ZC3H12B: variants seen among roughly 807,000 people sequenced by gnomAD.
ZC3H12B encodes probable ribonuclease ZC3H12B.
In ZC3H12B, 7 loss-of-function variants were observed where a neutral mutation model predicts 43.9. The ratio of observed to expected loss-of-function variants is 0.16; its 90% CI spans 0.09 to 0.30. The LOEUF is 0.30. Among genes scored for constraint, ZC3H12B ranks in the 10% least tolerant of loss-of-function variants. ZC3H12B has a pLI of 1.00. For synonymous variants in ZC3H12B, 222 were observed against 241.7 expected (o/e 0.92, Z 0.76); for missense variants, 475 against 670.2 (o/e 0.71, Z 3.22).
chrX:65,311,137 T>A, the ZC3H12B span, among the ~76,000 whole-genome samples: 2 of 111,808 alleles, frequency 1.8e-5, no homozygotes, highest in Non-Finnish European at 3.8e-5. Flanking sequence ...AAGGCCAAAA[T>A]AGACAAGTGG....
the ZC3H12B span, among the ~76,000 whole-genome samples, chrX:65,260,738 T>C: frequency 8.9e-6 from 1 of 111,926 alleles, no homozygotes. Flanking sequence ...ATCCTTTTGT[T>C]AATGTTCTAC....
the ZC3H12B span, among the ~76,000 whole-genome samples, chrX:65,258,569 G>A: frequency 9.0e-6 from 1 of 111,560 alleles, no homozygotes; most frequent in Non-Finnish European, 1.9e-5. Context: ...CTTAGCCACA[G>A]CAATCAGGCA....
At chrX:65,325,684 C>T in the ZC3H12B span, among the ~76,000 whole-genome samples, 1 of 111,039 alleles carries the variant, frequency 9.0e-6, no homozygotes, top group Non-Finnish European at 1.9e-5. Context: ...TCAAAGTGAT[C>T]TACAAATTCA....
the ZC3H12B span, among the ~76,000 whole-genome samples, chrX:65,318,420 CT>C: frequency 8.9e-4 from 83 of 93,017 alleles, no homozygotes; most frequent in South Asian, 9.9e-4. Flanking sequence ...CTTCTTTCTC[CT>C]TTTTTTTTTT....
the ZC3H12B span, among the ~76,000 whole-genome samples, chrX:65,188,522 G>C: frequency 1.8e-5 from 2 of 110,562 alleles, no homozygotes; most frequent in Non-Finnish European, 3.8e-5. Flanking sequence ...ACTGGGGTGA[G>C]ATTATGTCTT....
At chrX:65,280,304 G>C in the ZC3H12B span, among the ~76,000 whole-genome samples, 1 of 112,180 alleles carries the variant, frequency 8.9e-6, no homozygotes, top group Non-Finnish European at 1.9e-5. Flanking sequence ...AAAATCATAT[G>C]ATCATCTCAA....
the ZC3H12B span, among the ~76,000 whole-genome samples, chrX:65,059,165 G>A: frequency 5.5e-5 from 6 of 108,391 alleles, no homozygotes; most frequent in South Asian, 4.2e-4. Context: ...CTTCTGCGTC[G>A]CTCACGCTGG....
chrX:65,412,708 T>C, intron 3 of ZC3H12B, among the ~76,000 whole-genome samples: 1 of 111,926 alleles, frequency 8.9e-6, no homozygotes, highest in Non-Finnish European at 1.9e-5. Context: ...GCTCAAGCCA[T>C]CTGCTCACCT....
At chrX:65,408,611 T>A in intron 3 of ZC3H12B, 1 of 1,126,369 alleles carries the variant, frequency 8.9e-7, no homozygotes, top group South Asian at 1.9e-5. Flanking sequence ...GCAATCTCAC[T>A]TGGCAATAAA....
the ZC3H12B span, among the ~76,000 whole-genome samples, chrX:65,127,228 A>T: frequency 9.0e-6 from 1 of 111,722 alleles, no homozygotes; most frequent in African/African-American, 3.3e-5. Context: ...TCCCCTAGGA[A>T]AGGGGCTTCC....
chrX:65,414,149 A>G (rs1288676682), intron 3 of ZC3H12B, among the ~76,000 whole-genome samples: 1 of 111,890 alleles, frequency 8.9e-6, no homozygotes, highest in Non-Finnish European at 1.9e-5. Flanking sequence ...TTTTTCATCT[A>G]TAGAAATAAG....
At chrX:65,117,266 A>T in the ZC3H12B span, among the ~76,000 whole-genome samples, 1 of 111,693 alleles carries the variant, frequency 9.0e-6, no homozygotes, top group Non-Finnish European at 1.9e-5. Flanking sequence ...CTGGTGTGAG[A>T]TGGTATCTCA....
the ZC3H12B span, among the ~76,000 whole-genome samples, chrX:65,265,548 C>T: frequency 8.9e-6 from 1 of 111,879 alleles, no homozygotes; most frequent in Non-Finnish European, 1.9e-5. Context: ...AAGGGAAAGG[C>T]TTATAAACAT....
At chrX:65,136,109 A>T in the ZC3H12B span, among the ~76,000 whole-genome samples, 1 of 111,631 alleles carries the variant, frequency 9.0e-6, no homozygotes, top group African/African-American at 3.3e-5. Context: ...TTTCAATTGA[A>T]ACCTCAGAAT....
At chrX:65,136,743 T>C in the ZC3H12B span, among the ~76,000 whole-genome samples, 1 of 111,789 alleles carries the variant, frequency 8.9e-6, no homozygotes, top group East Asian at 2.8e-4. Flanking sequence ...TCTCAACTCG[T>C]GAAGTCCCTA....
chrX:65,341,456 T>C, the ZC3H12B span, among the ~76,000 whole-genome samples: 2 of 111,378 alleles, frequency 1.8e-5, no homozygotes, highest in African/African-American at 3.3e-5. Context: ...AAGTCAGCTA[T>C]AGAGAAAGCT....
the ZC3H12B span, among the ~76,000 whole-genome samples, chrX:65,038,889 A>G: frequency 9.0e-5 from 10 of 111,691 alleles, no homozygotes; most frequent in East Asian, 2.2e-3. Flanking sequence ...GATCTTTATT[A>G]TATCATTGGA....
the ZC3H12B span, chrX:65,272,216 A>G: frequency 9.3e-6 from 1 of 107,518 alleles, no homozygotes; most frequent in African/African-American, 3.5e-5. Context: ...TGTCTCAAAA[A>G]CAAAATAAAA....
rs769130185 is a variant in ZC3H12B at position 65,377,705 on chromosome X, C to A, written n.295+8707C>A. 3.6e-5 allele frequency among the ~76,000 whole-genome samples: 4 copies of A among 111,224 alleles called. No individual in the cohort carries two copies. The South Asian group carries it at 1.5e-3, about 42-fold the overall frequency. The stretch of plus-strand genomic sequence containing the variant: ...ATGAAGAAATAAAGATTTTCCCAGA[C>A]AAACAAAAGCTGAGGAATTTTACCA... On this transcript the variant is annotated intron_variant and non_coding_transcript_variant, in intron 2 of 5. Coordinates refer to the ZC3H12B transcript ENST00000617377.
Sources: gnomAD v4.1 joint callset for allele counts (sites outside exome capture counted in the v4.1 genomes callset) on GRCh38, gnomAD v4.1.1 for gene constraint, MANE v1.5 for transcripts, NCBI Gene and HGNC (gene_info 2026-07-23, HGNC 2026-07-21) for gene names.